Variants in SECISBP2 observed in about 807,000 individuals in gnomAD.
SECISBP2 encodes the protein SECIS binding protein 2, also known as selenocysteine insertion sequence-binding protein 2.
A neutral mutation model predicts 98.2 loss-of-function variants in SECISBP2; 96 were observed. The ratio of observed to expected loss-of-function variants is 0.98; its 90% CI spans 0.83 to 1.16. The LOEUF (loss-of-function observed/expected upper bound fraction) is 1.16. Ranked by LOEUF, SECISBP2 falls within the 50% of genes most tolerant of loss-of-function variation. The pLI is 0.00. For missense variants in SECISBP2, 1,046 were observed against 1,022.9 expected (o/e 1.02, Z -0.31); for synonymous variants, 407 against 370.2 (o/e 1.10, Z -1.14).
Position 89,319,817 on chromosome 9 carries a change from T to A in SECISBP2, c.182+20T>A, listed in dbSNP as rs773911284. 1 of 1,612,952 alleles carries A rather than the reference T, an allele frequency of 6.2e-7. No individual in the cohort carries two copies. The highest frequency in any genetic ancestry group is 1.3e-5 in the African/African-American group (1 of 74,706). ...GACAGAGTATGTATCTTTCTAAAAG[T>A]CTTACCTAGGGGCTTACATTTTGGA... On this transcript the variant is annotated intron_variant, in intron 2 of 16. Coordinates refer to ENST00000375807, the MANE Select transcript of SECISBP2 (RefSeq NM_024077.5).
At chr9:89,364,129 C>G, downstream of SECISBP2, 2 of 1,298,502 alleles carry the variant, frequency 1.5e-6, no homozygotes, top group Non-Finnish European at 2.1e-6. Flanking sequence ...CAGCGGGAGC[C>G]TTGGCCTTGG....
At chr9:89,352,903 C>T (rs1831500871) in intron 14 of SECISBP2, among the ~76,000 whole-genome samples, 1 of 151,198 alleles carries the variant, frequency 6.6e-6, no homozygotes, top group African/African-American at 2.4e-5. Flanking sequence ...TTAATGATGC[C>T]TAGTTCCTCT....
chr9:89,361,981 T>G, downstream of SECISBP2: 8 of 268,628 alleles, frequency 3.0e-5, no homozygotes, highest in Non-Finnish European at 2.2e-5. Flanking sequence ...CTGTTGGCTA[T>G]TAGGGGGTGG....
chr9:89,320,085 T>C (rs184576508), intron 2 of SECISBP2, among the ~76,000 whole-genome samples: 4 of 152,264 alleles, frequency 2.6e-5, no homozygotes, highest in Admixed American at 2.6e-4. Flanking sequence ...GGCCAGGCGC[T>C]GTGGCTCACG....
At chr9:89,338,828 A>C (rs903249791) in intron 8 of SECISBP2, among the ~76,000 whole-genome samples, 2 of 151,808 alleles carry the variant, frequency 1.3e-5, no homozygotes, top group African/African-American at 4.8e-5. Flanking sequence ...CTTGTATCAG[A>C]GTTGAATAGT....
At chr9:89,329,358 C>T (rs551208400) in intron 5 of SECISBP2, 15 of 176,288 alleles carry the variant, frequency 8.5e-5, no homozygotes, top group Non-Finnish European at 1.1e-4. Flanking sequence ...TAAGGCAATC[C>T]GCCTGCCTGG....
chr9:89,350,012 C>T (rs558609792), intron 13 of SECISBP2, 83 bp downstream of exon 13: 49 of 1,520,054 alleles, frequency 3.2e-5, no homozygotes, highest in Non-Finnish European at 4.2e-5. Flanking sequence ...CCCATAAATC[C>T]TTGTTGCTGG....
the SECISBP2 span, among the ~76,000 whole-genome samples, chr9:89,366,646 G>A: frequency 8.5e-5 from 13 of 152,298 alleles, no homozygotes; most frequent in Admixed American, 2.6e-4. Flanking sequence ...ACAAACATAT[G>A]TCTCTATGTA....
chr9:89,357,972 A>G, intron 15 of SECISBP2, 27 bp from the exon 16 acceptor site: 2 of 1,611,010 alleles, frequency 1.2e-6, no homozygotes, highest in Non-Finnish European at 1.7e-6. Context: ...CTGGGATGTT[A>G]CCTGTGTGCT....
downstream of SECISBP2, chr9:89,364,448 C>G (rs1833260112): frequency 4.6e-6 from 1 of 215,094 alleles, no homozygotes; most frequent in Admixed American, 5.1e-5. Context: ...GCCTGTCTCT[C>G]CAATTGAGAC....
At chr9:89,363,303 G>A, downstream of SECISBP2, 1 of 1,382,414 alleles carries the variant, frequency 7.2e-7, no homozygotes, top group Non-Finnish European at 9.7e-7. Flanking sequence ...AAAGGAAACT[G>A]CTCCGGGGCT....
downstream of SECISBP2, chr9:89,363,473 G>A (rs1345639668): frequency 6.2e-7 from 1 of 1,614,008 alleles, no homozygotes; most frequent in Non-Finnish European, 8.5e-7. Flanking sequence ...GTGCTCCCCA[G>A]CCACAGCCCT....
intron 8 of SECISBP2, 127 bp from the exon 9 acceptor site, chr9:89,339,737 T>G (rs1408111643): frequency 4.1e-6 from 3 of 727,204 alleles, no homozygotes; most frequent in African/African-American, 1.8e-5. Flanking sequence ...TGTGAGAGTT[T>G]CGCGGCTTTT....
Position 89,334,690 on chromosome 9 carries a change from C to T in SECISBP2, c.1049C>T (p.Ser350Phe). ...PSSEALSSDP[S>F]YNKEKHIIHP... ...TCTGAAGCTTTATCTTCGGATCCTT[C>T]CTACAACAAAGAAAAACACATTATT... Residue 350 changes from serine (S) to phenylalanine (F), a missense_variant, in exon 7 of 17, where the codon TCC becomes TTC. Coordinates refer to ENST00000375807, the MANE Select transcript of SECISBP2 (RefSeq NM_024077.5). 1.9e-6 allele frequency: 3 copies of T among 1,613,970 alleles called. No homozygotes were observed. The highest frequency in any genetic ancestry group is 2.5e-6 in the Non-Finnish European group (3 of 1,179,960).
intron 4 of SECISBP2, among the ~76,000 whole-genome samples, chr9:89,327,442 A>G (rs1395091763): frequency 2.0e-5 from 3 of 152,206 alleles, no homozygotes; most frequent in Non-Finnish European, 2.9e-5. Flanking sequence ...GACTCTTGTA[A>G]TAACACTTAC....
downstream of SECISBP2, chr9:89,363,305 TC>T: frequency 7.1e-7 from 1 of 1,400,662 alleles, no homozygotes; most frequent in Non-Finnish European, 9.5e-7. Context: ...AGGAAACTGC[TC>T]CGGGGCTAAG....
chr9:89,350,645 A>T lies in SECISBP2; in HGVS notation c.1906A>T (p.Met636Leu). The T allele has an allele frequency of 1.2e-6, 2 of 1,614,036 alleles. No individual in the cohort carries two copies. The highest frequency in any genetic ancestry group is 1.7e-6 in the Non-Finnish European group (2 of 1,179,892). Residue 636 changes from methionine to leucine, a missense_variant, in exon 14 of 17, where the codon ATG (methionine) becomes TTG (leucine). Coordinates refer to ENST00000375807, the MANE Select transcript of SECISBP2 (RefSeq NM_024077.5). ...TGTTTCTTTCAGTTACTGCAGCCAGATGCTTAGTAAAGAAGTGGATGCTTG... is the reference window on the plus strand; with the variant it reads ...TGTTTCTTTCAGTTACTGCAGCCAGTTGCTTAGTAAAGAAGTGGATGCTTG... ...SRRFRDYCSQ[M>L]LSKEVDACVT...
At position 89,318,624 on chromosome 9, in the gene SECISBP2, CG is replaced by C; in HGVS notation, c.36+17del. The C allele has an allele frequency of 7.0e-7, 1 of 1,427,168 alleles. No individual in the cohort carries two copies. Among genetic ancestry groups the C allele is most frequent in the Non-Finnish European group, 9.1e-7 (1 of 1,099,118 alleles). The allele number at this position is 1,427,168 out of a possible 1,614,324, so 88.4% of individuals were successfully genotyped here. A position where few individuals can be genotyped will look rare whatever the true frequency, so the allele number is the denominator to read the frequency against. On this transcript the variant is annotated intron_variant, in intron 1 of 16. Transcript: ENST00000375807. The stretch of plus-strand genomic sequence containing the variant: ...AGCCCGAAAGCGAGGTAAGGGCCGA[CG>C]GGGGCTCTCTCGGCAGCCTCAGTCC...
chr9:89,338,560 C>A lies in SECISBP2; in HGVS notation c.1192C>A (p.Gln398Lys). The A allele has an allele frequency of 6.2e-7, 1 of 1,612,354 alleles. No homozygotes were observed. Among genetic ancestry groups the A allele is most frequent in the Non-Finnish European group, 8.5e-7 (1 of 1,179,500 alleles). The change falls in exon 8 of 17, where the codon CAA (glutamine) becomes AAA (lysine). Residue 398 changes from glutamine (Q) to lysine (K), a missense_variant. Gln to Lys is a moderately conservative substitution (Grantham distance 53, BLOSUM62 1). Coordinates refer to ENST00000375807, the MANE Select transcript of SECISBP2 (RefSeq NM_024077.5). The part of the protein sequence containing the change: ...STSKYEVLTV[Q>K]EPPRIEDAEE... ...ATCAAAATATGAAGTCCTGACAGTT[C>A]AAGAGCCTCCAAGGATTGAAGTACA...
Sources: gnomAD v4.1 joint callset for allele counts (sites outside exome capture counted in the v4.1 genomes callset) on GRCh38, gnomAD v4.1.1 for gene constraint, MANE v1.5 for transcripts, NCBI Gene and HGNC (gene_info 2026-07-23, HGNC 2026-07-21) for gene names.